The following CLIP2 variants were observed in gnomAD, a reference collection of about 807,000 sequenced individuals.
The protein encoded by CLIP2 is CAP-Gly domain-containing linker protein 2.
A neutral mutation model predicts 111.7 loss-of-function variants in CLIP2; 41 were observed. The observed-to-expected ratio is 0.37, with a 90% CI of 0.29 to 0.48. CLIP2 has a LOEUF of 0.48. Ranked by LOEUF, CLIP2 falls within the 20% of genes least tolerant of loss-of-function variation. The probability of loss-of-function intolerance (pLI) is 0.99; values close to 1 mark genes in which losing one functional copy is unlikely to be tolerated. For synonymous variants in CLIP2, 660 were observed against 644.2 expected (o/e 1.02, Z -0.37); for missense variants, 1,160 against 1,422.1 (o/e 0.82, Z 2.96).
At chr7:74,386,673 A>C in intron 12 of CLIP2, 69 bp downstream of exon 12, 3 of 1,279,386 alleles carry the variant, frequency 2.3e-6, no homozygotes, top group East Asian at 2.6e-5. Context: ...GCTGCCAATT[A>C]AGCATGGAGT....
At chr7:74,372,470 G>T (rs1790656470) in intron 8 of CLIP2, among the ~76,000 whole-genome samples, 1 of 150,002 alleles carries the variant, frequency 6.7e-6, no homozygotes, top group Non-Finnish European at 1.5e-5. Context: ...TGGGTCTCCT[G>T]TGTGGAGGAT....
rs1790676407 is a variant in CLIP2, at chr7:74,372,975, A to G, written c.1424A>G (p.Gln475Arg). ...CACGCGCGCATTGGGGAGCTGGAAC[A>G]GAGCCTGCTACTGGAGAAGGCGCAG... ...LEHARIGELE[Q>R]SLLLEKAQAE... is the part of the protein sequence containing the mutation. Residue 475 changes from glutamine (Q) to arginine (R), a missense_variant, in exon 9 of 17, where the codon CAG (glutamine) becomes CGG (arginine). Physicochemically the swap from Gln to Arg is conservative, Grantham distance 43 (BLOSUM62 1). Around this residue, in one of 5 missense-constraint regions of CLIP2, gnomAD observed 676 missense variants for 777.8 expected, o/e 0.87. Coordinates refer to ENST00000223398, the MANE Select transcript of CLIP2 (RefSeq NM_003388.5). 3.8e-6 allele frequency: 6 copies of G among 1,561,990 alleles called. No homozygotes were observed. Among genetic ancestry groups the G allele is most frequent in the Non-Finnish European group, 5.2e-6 (6 of 1,152,762 alleles).
chr7:74,348,491 TAAAAA>T (rs1400029860), intron 3 of CLIP2, among the ~76,000 whole-genome samples: 3 of 149,470 alleles, frequency 2.0e-5, no homozygotes, highest in Non-Finnish European at 3.0e-5. Flanking sequence ...CCCTGTCTCT[TAAAAA>T]AAGAATGAGA....
chr7:74,342,179 C>A (rs781814409), intron 3 of CLIP2, among the ~76,000 whole-genome samples: 5 of 151,920 alleles, frequency 3.3e-5, no homozygotes, highest in African/African-American at 1.2e-4. Flanking sequence ...AGTTCGAGAC[C>A]AGCCTCACCA....
chr7:74,389,007 G>A (rs1292047806), intron 12 of CLIP2, 96 bp from the exon 13 acceptor site: 28 of 1,434,302 alleles, frequency 2.0e-5, no homozygotes, highest in South Asian at 8.4e-5. Context: ...CATCCCCTGG[G>A]AGAATCAGCG....
chr7:74,292,075 C>T (rs1788039379), intron 1 of CLIP2, among the ~76,000 whole-genome samples: 1 of 152,174 alleles, frequency 6.6e-6, no homozygotes, highest in South Asian at 2.1e-4. Context: ...GCATGTGCCA[C>T]CATGTCCGGC....
intron 3 of CLIP2, 89 bp downstream of exon 3, chr7:74,339,093 G>A: frequency 7.8e-7 from 1 of 1,287,812 alleles, no homozygotes; most frequent in Non-Finnish European, 1.1e-6. Context: ...CCCCTGGGCT[G>A]GGCAGGGTGG....
intron 11 of CLIP2, 99 bp downstream of exon 11, chr7:74,380,962 A>G (rs376867719): frequency 3.4e-6 from 4 of 1,180,446 alleles, no homozygotes; most frequent in South Asian, 2.4e-5. Flanking sequence ...ATCATCTGCC[A>G]TTTGGTAAGA....
intron 1 of CLIP2, among the ~76,000 whole-genome samples, chr7:74,293,908 C>T (rs144855164): frequency 0.012 from 1,879 of 151,240 alleles, 40 homozygotes; most frequent in African/African-American, 0.044. Flanking sequence ...GCGTGGGACT[C>T]GGGCTTTTTT....
intron 11 of CLIP2, 97 bp downstream of exon 11, chr7:74,380,960 C>T (rs946126984): frequency 8.2e-7 from 1 of 1,222,890 alleles, no homozygotes. Context: ...GCATCATCTG[C>T]CATTTGGTAA....
chr7:74,331,242 T>C (rs490091), intron 2 of CLIP2, among the ~76,000 whole-genome samples: 86,029 of 137,578 alleles, frequency 0.63, 28,543 homozygotes, highest in Non-Finnish European at 0.74. Context: ...AAAATTCAGG[T>C]GAGCCTCTGA....
intron 3 of CLIP2, among the ~76,000 whole-genome samples, chr7:74,339,502 C>T (rs1789593788): frequency 6.6e-6 from 1 of 151,992 alleles, no homozygotes; most frequent in Non-Finnish European, 1.5e-5. Context: ...GACGGGGTTT[C>T]ACCATGTTGA....
chr7:74,383,301 A>G (rs570005253), intron 11 of CLIP2, among the ~76,000 whole-genome samples: 67 of 151,972 alleles, frequency 4.4e-4, no homozygotes, highest in Middle Eastern at 3.4e-3. Flanking sequence ...TCTCCCCCCA[A>G]CCCTCATTGA....
chr7:74,346,741 A>C (rs1393331994), intron 3 of CLIP2, among the ~76,000 whole-genome samples: 3 of 55,364 alleles, frequency 5.4e-5, no homozygotes, highest in African/African-American at 1.1e-4. Flanking sequence ...AAAAAAAAAA[A>C]ACAAAACACT....
At chr7:74,346,309 G>C (rs987387384) in intron 3 of CLIP2, among the ~76,000 whole-genome samples, 4 of 152,122 alleles carry the variant, frequency 2.6e-5, no homozygotes, top group South Asian at 4.1e-4. Flanking sequence ...AAAAGAGCTA[G>C]TGGTAGGGGA....
rs1554732826 is a variant in CLIP2 at position 74,338,966 on chromosome 7, C to T, written c.640C>T (p.Arg214Trp). The change falls in exon 3 of 17, where the codon CGG (arginine) becomes TGG (tryptophan). Residue 214 changes from arginine to tryptophan, a missense_variant. Coordinates refer to ENST00000223398, the MANE Select transcript of CLIP2 (RefSeq NM_003388.5). The surrounding 1 kb of genome is among the most constrained non-coding windows in gnomAD (Gnocchi z 4.3). ...SNLSDSGSVK[R>W]GEKDLRLGDR... ...CCTCTCAGACAGCGGCTCTGTGAAG[C>T]GGGGCGAAAAGGACCTGCGCCTGGG... is the stretch of plus-strand genomic sequence containing the variant. The T allele has an allele frequency of 3.8e-6, 6 of 1,599,072 alleles. No individual in the cohort carries two copies. The highest frequency in any genetic ancestry group is 1.3e-5 in the African/African-American group (1 of 75,048).
chr7:74,382,906 T>C (rs1246047332), intron 11 of CLIP2, among the ~76,000 whole-genome samples: 1 of 151,084 alleles, frequency 6.6e-6, no homozygotes, highest in Non-Finnish European at 1.5e-5. Context: ...ACCCTGTCTC[T>C]ACAAAAAATA....
intron 12 of CLIP2, among the ~76,000 whole-genome samples, chr7:74,388,494 T>C (rs1791184272): frequency 6.7e-6 from 1 of 148,340 alleles, no homozygotes. Flanking sequence ...CAAGACTCCG[T>C]CTCAAAAAAA....
chr7:74,341,721 A>G (rs1175174306), intron 3 of CLIP2, among the ~76,000 whole-genome samples: 2 of 152,018 alleles, frequency 1.3e-5, no homozygotes, highest in East Asian at 3.9e-4. Flanking sequence ...CCTCCCAAGA[A>G]GCTGGGACTA....
Sources: allele counts gnomAD v4.1 joint callset (sites outside exome capture counted in the v4.1 genomes callset), GRCh38; gene constraint gnomAD v4.1.1; regional missense constraint gnomAD v4.1.1; non-coding constraint Gnocchi (gnomAD v3.1); transcripts MANE v1.5; gene names NCBI Gene and HGNC (gene_info 2026-07-23, HGNC 2026-07-21).